TPM1: variants seen among roughly 807,000 people sequenced by gnomAD.
TPM1 encodes tropomyosin 1, also known as tropomyosin alpha-1 chain.
In TPM1, 24 loss-of-function variants were observed where a neutral mutation model predicts 42.9. That is an observed-to-expected ratio of 0.56 (90% CI 0.41 to 0.79). TPM1 has a LOEUF of 0.79. Among genes scored for constraint, TPM1 ranks in the 30% least tolerant of loss-of-function variants. The probability of loss-of-function intolerance (pLI) is 0.00; values close to 1 mark genes in which losing one functional copy is unlikely to be tolerated. For missense variants in TPM1, 158 were observed against 351.8 expected, an observed-to-expected ratio of 0.45 and a Z score of 4.41; for synonymous variants, 136 against 130.1, an observed-to-expected ratio of 1.05 and a Z score of -0.31.
Position 63,064,056 on chromosome 15 carries a change from G to C in TPM1, c.773-8G>C, listed in dbSNP as rs1480009148. 8 of 1,613,752 alleles carry C rather than the reference G, an allele frequency of 5.0e-6. No homozygotes were observed. Among genetic ancestry groups the C allele is most frequent in the Non-Finnish European group, 6.8e-6 (8 of 1,179,988 alleles). ...CTTGCACCTCTGCCTTCCACTTCCT[G>C]GTCATAGACGAGCTGTACGCTCAGA... On this transcript the variant is annotated splice_polypyrimidine_tract_variant and splice_region_variant and intron_variant, in intron 8 of 9. Transcript: ENST00000403994.
intron 1 of TPM1, chr15:63,043,644 G>A: frequency 5.2e-6 from 8 of 1,535,404 alleles, no homozygotes; most frequent in Non-Finnish European, 4.4e-6. Context: ...ACGCCCGTGT[G>A]TTGTGTGTGT....
downstream of TPM1, among the ~76,000 whole-genome samples, chr15:63,069,371 A>G (rs541834550): frequency 2.2e-3 from 339 of 152,208 alleles, 1 homozygote; most frequent in Non-Finnish European, 3.5e-3. Context: ...GTCCTACCTG[A>G]GGGGAAAGCC....
intron 4 of TPM1, 159 bp downstream of exon 4, chr15:63,059,839 T>C (rs890016352): frequency 3.7e-6 from 2 of 547,660 alleles, no homozygotes; most frequent in Non-Finnish European, 6.8e-6. Context: ...AGAAAACGGT[T>C]CTAATTTTAA....
At chr15:63,043,709 G>C in intron 1 of TPM1, 9 of 1,546,528 alleles carry the variant, frequency 5.8e-6, no homozygotes, top group Non-Finnish European at 7.8e-6. Flanking sequence ...CCCCCAGCTC[G>C]AGGAGGACAT....
rs1041229460 is a variant in TPM1, at chr15:63,062,396, C to G, written c.702+119C>G. 4 of 1,302,638 alleles carry G rather than the reference C, an allele frequency of 3.1e-6. No individual in the cohort carries two copies. The African/African-American group carries it at 4.4e-5, about 14-fold the overall frequency. The allele number at this position is 1,302,638 out of a possible 1,614,324, so 80.7% of individuals were successfully genotyped here. On this transcript the variant is annotated intron_variant, in intron 7 of 9. Transcript: ENST00000403994. ...ATCCAAGTCAGGAATATTCAAAGGT[C>G]GCCTTGGAGTTTATGTACTGTGCTA... is the stretch of plus-strand genomic sequence containing the variant.
intron 2 of TPM1, among the ~76,000 whole-genome samples, chr15:63,055,027 TA>T (rs5813193): frequency 1.9e-4 from 28 of 147,958 alleles, no homozygotes; most frequent in Admixed American, 3.4e-4. Context: ...GTAATAGTAA[TA>T]AAAAAAAAAA....
downstream of TPM1, chr15:63,069,875 C>G (rs567912676): frequency 6.8e-6 from 11 of 1,613,988 alleles, no homozygotes; most frequent in Non-Finnish European, 8.5e-6. Context: ...TACAGATCAA[C>G]TCTACCAGCA....
At position 63,052,447 on chromosome 15, in the gene TPM1, C is replaced by T. The variant is rs576529465; in HGVS notation, c.241-4538C>T. ...CTGAGGCAGGAGAATCGCTTGAACCCGGGAGGTGGAGGTTGCAGTGAGCCG... is the reference window on the plus strand; with the variant it reads ...CTGAGGCAGGAGAATCGCTTGAACCTGGGAGGTGGAGGTTGCAGTGAGCCG... On this transcript the variant is annotated intron_variant, in intron 2 of 9. Coordinates refer to ENST00000403994, the MANE Select transcript of TPM1 (RefSeq NM_001018005.2). Among the ~76,000 whole-genome samples the T allele has an allele frequency of 2.6e-4, 40 of 152,186 alleles. 1 individual carries two copies. In the South Asian group the frequency reaches 7.7e-3, roughly 29 times the overall value.
chr15:63,062,429 T>C, intron 7 of TPM1, 147 bp from the exon 8 acceptor site: 8 of 1,246,268 alleles, frequency 6.4e-6, no homozygotes, highest in Non-Finnish European at 9.3e-6. Flanking sequence ...CTAACTGCCA[T>C]TTCTCACAGA....
chr15:63,055,225 C>T (rs1378250901), intron 2 of TPM1, among the ~76,000 whole-genome samples: 1 of 152,186 alleles, frequency 6.6e-6, no homozygotes, highest in Non-Finnish European at 1.5e-5. Context: ...AATGCTCTTC[C>T]TCTGATTTAT....
chr15:63,043,912 C>G, intron 1 of TPM1, 115 bp from the exon 2 acceptor site: 1 of 1,553,496 alleles, frequency 6.4e-7, no homozygotes, highest in Non-Finnish European at 8.7e-7. Context: ...GTCTTTCCCT[C>G]TGTCTCTCCC....
At chr15:63,065,813 C>T in intron 9 of TPM1, 83 bp from the exon 10 acceptor site, 2 of 1,483,898 alleles carry the variant, frequency 1.3e-6, no homozygotes, top group Non-Finnish European at 1.8e-6. Flanking sequence ...GTGCTCTCAT[C>T]TATTGGTTTG....
intron 2 of TPM1, chr15:63,047,216 T>C (rs2032567587): frequency 6.6e-6 from 1 of 152,250 alleles, no homozygotes; most frequent in African/African-American, 2.4e-5. Context: ...CTGGGATTTG[T>C]GAGAGTCTCA....
At chr15:63,060,708 C>T (rs1387418208) in intron 4 of TPM1, among the ~76,000 whole-genome samples, 161 bp from the exon 5 acceptor site, 3 of 152,186 alleles carry the variant, frequency 2.0e-5, no homozygotes, top group Non-Finnish European at 4.4e-5. Flanking sequence ...GCTGGCACTC[C>T]TAATAGAGAG....
At chr15:63,043,767 G>C in intron 1 of TPM1, 1 of 1,549,868 alleles carries the variant, frequency 6.5e-7, no homozygotes, top group Non-Finnish European at 8.7e-7. Context: ...GAGCGGGACC[G>C]GGTGCTGGAG....
At chr15:63,049,966 T>C (rs551757982) in intron 2 of TPM1, among the ~76,000 whole-genome samples, 1 of 152,286 alleles carries the variant, frequency 6.6e-6, no homozygotes, top group East Asian at 1.9e-4. Context: ...AACAAGAACT[T>C]TGGACCCAGA....
intron 2 of TPM1, among the ~76,000 whole-genome samples, chr15:63,053,393 C>G (rs2034246767): frequency 6.6e-6 from 1 of 152,076 alleles, no homozygotes; most frequent in Admixed American, 6.6e-5. Flanking sequence ...CCGTGATGTT[C>G]CGGGAAGCCA....
intron 5 of TPM1, 55 bp downstream of exon 5, chr15:63,060,994 A>C (rs563643627): frequency 6.3e-7 from 1 of 1,599,980 alleles, no homozygotes; most frequent in East Asian, 2.2e-5. Flanking sequence ...AGCAGTGACT[A>C]AACAGCATGA....
intron 3 of TPM1, among the ~76,000 whole-genome samples, chr15:63,059,260 T>G (rs2035260407): frequency 6.6e-6 from 1 of 152,230 alleles, no homozygotes; most frequent in Admixed American, 6.5e-5. Flanking sequence ...TCCGGTTTCA[T>G]ACTGCCAAGA....
Sources: gnomAD v4.1 joint callset for allele counts (sites outside exome capture counted in the v4.1 genomes callset) on GRCh38, gnomAD v4.1.1 for gene constraint, MANE v1.5 for transcripts, NCBI Gene and HGNC (gene_info 2026-07-23, HGNC 2026-07-21) for gene names.